The following EPB41L2 variants were observed in gnomAD, a reference collection of about 807,000 sequenced individuals.
EPB41L2 encodes band 4.1-like protein 2.
Under a neutral mutation model 113.0 loss-of-function variants are expected in EPB41L2, and 43 were observed. The observed-to-expected ratio is 0.38, with a 90% CI of 0.30 to 0.49. The LOEUF is 0.49. Among genes scored for constraint, EPB41L2 ranks in the 20% least tolerant of loss-of-function variants. EPB41L2 has a pLI of 0.95. For synonymous variants in EPB41L2, 442 were observed against 436.7 expected (o/e 1.01, Z -0.15); for missense variants, 1,147 against 1,223.4 (o/e 0.94, Z 0.93).
At chr6:130,882,419 T>C (rs1489430046) in intron 12 of EPB41L2, 1 of 152,508 alleles carries the variant, frequency 6.6e-6, no homozygotes, top group African/African-American at 2.4e-5. Flanking sequence ...GGGTAATCAG[T>C]GGTGAAATGT....
intron 1 of EPB41L2, among the ~76,000 whole-genome samples, chr6:131,043,877 A>C (rs1233220878): frequency 1.3e-5 from 2 of 152,220 alleles, no homozygotes; most frequent in East Asian, 1.9e-4. Flanking sequence ...TAATATAGTA[A>C]GAAGTGAAGT....
At chr6:131,043,216 G>A (rs567021825) in intron 1 of EPB41L2, among the ~76,000 whole-genome samples, 129 of 152,158 alleles carry the variant, frequency 8.5e-4, no homozygotes, top group African/African-American at 2.9e-3. Context: ...CAGCAGAATC[G>A]CTTGAACCCG....
intron 1 of EPB41L2, among the ~76,000 whole-genome samples, chr6:130,966,479 T>C (rs1443533678): frequency 6.6e-6 from 1 of 151,532 alleles, no homozygotes; most frequent in African/African-American, 2.4e-5. Context: ...GTGTGGGAGA[T>C]ACACAAATAA....
chr6:131,002,848 G>T (rs559499781), intron 1 of EPB41L2, among the ~76,000 whole-genome samples: 1 of 152,114 alleles, frequency 6.6e-6, no homozygotes, highest in Non-Finnish European at 1.5e-5. Context: ...TTCACTCAAC[G>T]TTACAGTTAG....
rs542859380 is a variant in EPB41L2 at position 130,984,356 on chromosome 6, T to C, written c.-14-27857A>G. 1.4e-4 allele frequency among the ~76,000 whole-genome samples: 21 copies of C among 152,358 alleles called. No homozygotes were observed. In the East Asian group the frequency reaches 3.9e-3, roughly 28 times the overall value. On this transcript the variant is annotated intron_variant, in intron 1 of 19. Coordinates refer to ENST00000337057, the MANE Select transcript of EPB41L2 (RefSeq NM_001431.4). ...CCAGTAACATAATCATCTATCATTA[T>C]CAAGTATTATGTACTGTACCTAACT...
chr6:130,870,013 A>T lies in EPB41L2; in HGVS notation c.2157T>A (p.Gly719=), dbSNP rs1370103631. Residue 719 remains glycine (G), a synonymous_variant, in exon 15 of 20, where the codon GGT becomes GGA. Coordinates refer to ENST00000337057, the MANE Select transcript of EPB41L2 (RefSeq NM_001431.4). ...GCTCCACCTTACGAATCTCCCCAGGACCACTCCCAGGTGATATCTCTTTAC... is the reference window on the plus strand; with the variant it reads ...GCTCCACCTTACGAATCTCCCCAGGTCCACTCCCAGGTGATATCTCTTTAC... ...MNGKEISPGS[G]PGEIRKVEPV... The T allele has an allele frequency of 6.8e-6, 11 of 1,613,656 alleles. No individual in the cohort carries two copies. In the South Asian group the frequency reaches 8.8e-5, roughly 13 times the overall value.
chr6:130,915,308 A>G (rs150040830), intron 4 of EPB41L2, among the ~76,000 whole-genome samples: 1 of 152,360 alleles, frequency 6.6e-6, no homozygotes, highest in African/African-American at 2.4e-5. Flanking sequence ...GTCTCAAAAA[A>G]AAAGAATATC....
chr6:131,026,737 C>A (rs1212028963), intron 1 of EPB41L2, among the ~76,000 whole-genome samples: 1 of 152,192 alleles, frequency 6.6e-6, no homozygotes, highest in Non-Finnish European at 1.5e-5. Context: ...CACCATACCA[C>A]ACCTTAACAG....
chr6:130,993,519 C>G (rs1782369222), intron 1 of EPB41L2, among the ~76,000 whole-genome samples: 2 of 152,128 alleles, frequency 1.3e-5, no homozygotes, highest in African/African-American at 4.8e-5. Context: ...GCGTCAGCAC[C>G]AAAGAGGATG....
At chr6:130,972,754 AAC>A (rs1777152310) in intron 1 of EPB41L2, among the ~76,000 whole-genome samples, 1 of 152,050 alleles carries the variant, frequency 6.6e-6, no homozygotes, top group Non-Finnish European at 1.5e-5. Flanking sequence ...GATATTTATT[AAC>A]AGATAAACAA....
At chr6:130,994,937 C>A (rs1782721163) in intron 1 of EPB41L2, among the ~76,000 whole-genome samples, 3 of 152,106 alleles carry the variant, frequency 2.0e-5, no homozygotes, top group Admixed American at 6.5e-5. Flanking sequence ...CCCCTCCCCG[C>A]TGAGTTCTCC....
At chr6:131,049,099 C>T (rs536944321) in intron 1 of EPB41L2, among the ~76,000 whole-genome samples, 1 of 152,336 alleles carries the variant, frequency 6.6e-6, no homozygotes, top group South Asian at 2.1e-4. Flanking sequence ...ATATGCAGCC[C>T]ACATCCACAG....
chr6:130,922,846 G>C (rs1803332156), intron 4 of EPB41L2, among the ~76,000 whole-genome samples: 2 of 152,066 alleles, frequency 1.3e-5, no homozygotes, highest in Non-Finnish European at 2.9e-5. Flanking sequence ...ATTCACATCA[G>C]GAAATAAAGC....
chr6:130,867,762 T>G (rs1784266273), intron 15 of EPB41L2, 181 bp from the exon 16 acceptor site: 1 of 647,760 alleles, frequency 1.5e-6, no homozygotes, highest in Admixed American at 2.8e-5. Context: ...TTCCTTCAAA[T>G]ATATCATATA....
chr6:130,949,495 C>T (rs568106243), intron 3 of EPB41L2, among the ~76,000 whole-genome samples: 2 of 151,900 alleles, frequency 1.3e-5, no homozygotes, highest in East Asian at 3.9e-4. Flanking sequence ...CCCATATATT[C>T]TGGAGGCTGA....
Position 130,984,221 on chromosome 6 carries a change from A to G in EPB41L2, c.-14-27722T>C, listed in dbSNP as rs576875059. Among the ~76,000 whole-genome samples the G allele has an allele frequency of 8.5e-5, 13 of 152,324 alleles. No individual in the cohort carries two copies. The South Asian group carries it at 1.5e-3, about 17-fold the overall frequency. On this transcript the variant is annotated intron_variant, in intron 1 of 19. Coordinates refer to ENST00000337057, the MANE Select transcript of EPB41L2 (RefSeq NM_001431.4). ...CCATGATAACAATGCTTTCTTCTCA[A>G]ATACCTGCTGAAGGACATGTCTGAG...
At chr6:130,856,066 A>G (rs1217013171) in intron 19 of EPB41L2, among the ~76,000 whole-genome samples, 1 of 152,204 alleles carries the variant, frequency 6.6e-6, no homozygotes, top group East Asian at 1.9e-4. Context: ...GGGCTCTTCA[A>G]TACAGTGCTG....
intron 1 of EPB41L2, among the ~76,000 whole-genome samples, chr6:130,968,730 CTTT>C (rs11340034): frequency 1.4e-5 from 2 of 142,400 alleles, no homozygotes; most frequent in African/African-American, 5.1e-5. Context: ...GCTATAAAAC[CTTT>C]TTTTTTTTTT....
chr6:130,949,705 T>C (rs1814194094), intron 3 of EPB41L2, among the ~76,000 whole-genome samples: 1 of 152,044 alleles, frequency 6.6e-6, no homozygotes, highest in Non-Finnish European at 1.5e-5. Context: ...TAGTTGACTC[T>C]TGAACAACAC....
Sources: gnomAD v4.1 joint callset for allele counts (sites outside exome capture counted in the v4.1 genomes callset) on GRCh38, gnomAD v4.1.1 for gene constraint, MANE v1.5 for transcripts, NCBI Gene and HGNC (gene_info 2026-07-23, HGNC 2026-07-21) for gene names.